NALCN: variants seen among roughly 807,000 people sequenced by gnomAD.
NALCN encodes sodium leak channel, non-selective.
A neutral mutation model predicts 225.3 loss-of-function variants in NALCN; 111 were observed. That is an observed-to-expected ratio of 0.49 (90% CI 0.42 to 0.58). The LOEUF (loss-of-function observed/expected upper bound fraction) is 0.58, where lower values mean the gene tolerates loss of function less well. Among genes scored for constraint, NALCN ranks in the 20% least tolerant of loss-of-function variants. The pLI is 0.00. For missense variants in NALCN, 1,378 were observed against 2,202.4 expected, an observed-to-expected ratio of 0.63 and a Z score of 7.49; for synonymous variants, 764 against 769.0, an observed-to-expected ratio of 0.99 and a Z score of 0.11.
intron 17 of NALCN, among the ~76,000 whole-genome samples, chr13:101,124,937 A>C (rs1486537786): frequency 6.6e-6 from 1 of 152,138 alleles, no homozygotes. Context: ...CGTCTGAATA[A>C]AATTTTCAGT....
intron 18 of NALCN, chr13:101,116,321 T>C (rs1260524493): frequency 5.4e-6 from 1 of 183,664 alleles, no homozygotes; most frequent in Non-Finnish European, 1.1e-5. Flanking sequence ...GCCATATATA[T>C]ATATATATAT....
At chr13:101,183,490 C>A (rs1220197929) in intron 14 of NALCN, among the ~76,000 whole-genome samples, 2 of 152,178 alleles carry the variant, frequency 1.3e-5, no homozygotes, top group African/African-American at 4.8e-5. Context: ...GGCAGAGTCT[C>A]TCTCTGTCCC....
At chr13:101,077,754 A>C (rs2033353736) in intron 34 of NALCN, among the ~76,000 whole-genome samples, 1 of 152,232 alleles carries the variant, frequency 6.6e-6, no homozygotes, top group Admixed American at 6.5e-5. Context: ...CAGTTGCAGA[A>C]ATTTACATAA....
chr13:101,082,792 C>T lies in NALCN; in HGVS notation c.3765+17G>A, dbSNP rs1399879116. 1 of 1,613,716 alleles carries T rather than the reference C, an allele frequency of 6.2e-7. No homozygotes were observed. The highest frequency in any genetic ancestry group is 8.5e-7 in the Non-Finnish European group (1 of 1,179,596). On this transcript the variant is annotated intron_variant, in intron 33 of 43. Coordinates refer to ENST00000251127, the MANE Select transcript of NALCN (RefSeq NM_052867.4). Reference sequence around the variant, plus strand: ...TGTGCACAGATTCCCCCAGAGCTAGCTGACTCATTACAGTACCTCCAGAAC... The same window carrying T: ...TGTGCACAGATTCCCCCAGAGCTAGTTGACTCATTACAGTACCTCCAGAAC...
intron 13 of NALCN, among the ~76,000 whole-genome samples, chr13:101,211,133 A>C (rs746254215): frequency 6.6e-6 from 1 of 152,210 alleles, no homozygotes; most frequent in Non-Finnish European, 1.5e-5. Context: ...ATACTTGAGG[A>C]AGCTCATTAT....
chr13:101,133,716 A>C (rs1307328166), intron 17 of NALCN, among the ~76,000 whole-genome samples: 1 of 152,312 alleles, frequency 6.6e-6, no homozygotes, highest in East Asian at 1.9e-4. Context: ...TGCTTAGAAA[A>C]AAAATTTTAA....
chr13:101,259,732 G>GTATATATATATATA (rs35199456), intron 10 of NALCN, among the ~76,000 whole-genome samples: 4,423 of 118,910 alleles, frequency 0.037, 98 homozygotes, highest in Middle Eastern at 0.057. Context: ...CATAGTAAGT[G>GTATATATATATATA]TATATATATA....
At chr13:101,201,443 G>A (rs772762377) in intron 13 of NALCN, among the ~76,000 whole-genome samples, 10 of 152,230 alleles carry the variant, frequency 6.6e-5, no homozygotes, top group Admixed American at 2.0e-4. Flanking sequence ...CACCCAATAT[G>A]TGGCCAGGGG....
chr13:101,351,491 C>T (rs1180449573), intron 6 of NALCN, among the ~76,000 whole-genome samples: 1 of 152,052 alleles, frequency 6.6e-6, no homozygotes, highest in Non-Finnish European at 1.5e-5. Context: ...TTGATAATGG[C>T]CACAAACAAT....
intron 15 of NALCN, among the ~76,000 whole-genome samples, chr13:101,164,396 A>G (rs567506351): frequency 1.3e-5 from 2 of 152,128 alleles, no homozygotes; most frequent in African/African-American, 4.8e-5. Flanking sequence ...GGCTCAAGTG[A>G]TTCTCCTACC....
chr13:101,185,015 T>C (rs577597420), intron 14 of NALCN, among the ~76,000 whole-genome samples: 1 of 152,276 alleles, frequency 6.6e-6, no homozygotes, highest in South Asian at 2.1e-4. Flanking sequence ...TATTTTGAAA[T>C]ATACACTAGA....
rs572596648 is a variant in NALCN, at chr13:101,324,662, A to G, written c.799+20604T>C. On this transcript the variant is annotated intron_variant, in intron 7 of 43. Coordinates refer to ENST00000251127, the MANE Select transcript of NALCN (RefSeq NM_052867.4). ...CTTTGCTGAAGTTGCCTATCAGCTTAAGGAGATTTTGGGCTGAGACGATGG... is the reference window on the plus strand; with the variant it reads ...CTTTGCTGAAGTTGCCTATCAGCTTGAGGAGATTTTGGGCTGAGACGATGG... 2.6e-3 allele frequency among the ~76,000 whole-genome samples: 397 copies of G among 152,292 alleles called. 2 individuals are homozygous for G. The highest frequency in any genetic ancestry group is 8.6e-3 in the African/African-American group (359 of 41,556).
chr13:101,300,031 A>C (rs2043894901), intron 7 of NALCN, among the ~76,000 whole-genome samples: 1 of 151,966 alleles, frequency 6.6e-6, no homozygotes, highest in Non-Finnish European at 1.5e-5. Context: ...TAAAAAAAAA[A>C]AGCAGCAGCG....
intron 15 of NALCN, among the ~76,000 whole-genome samples, chr13:101,153,847 G>T (rs1338793653): frequency 6.6e-6 from 1 of 152,140 alleles, no homozygotes; most frequent in Non-Finnish European, 1.5e-5. Context: ...GTAATGCAAA[G>T]ACTATCAATT....
chr13:101,199,992 C>T (rs1249017589), intron 13 of NALCN, among the ~76,000 whole-genome samples: 1 of 152,024 alleles, frequency 6.6e-6, no homozygotes, highest in Non-Finnish European at 1.5e-5. Flanking sequence ...TACAGAGCTC[C>T]AGTACTTGAC....
intron 10 of NALCN, among the ~76,000 whole-genome samples, chr13:101,282,289 T>C (rs1464495818): frequency 2.6e-5 from 4 of 152,024 alleles, no homozygotes; most frequent in Non-Finnish European, 2.9e-5. Flanking sequence ...ATAAAAAAAA[T>C]GTGGTATAGA....
chr13:101,090,655 T>C (rs545148926), intron 28 of NALCN, among the ~76,000 whole-genome samples: 1 of 152,270 alleles, frequency 6.6e-6, no homozygotes, highest in African/African-American at 2.4e-5. Context: ...CCTTTATGGG[T>C]GGTATGCTTT....
chr13:101,136,875 C>A (rs1438894292), intron 17 of NALCN, among the ~76,000 whole-genome samples: 1 of 152,218 alleles, frequency 6.6e-6, no homozygotes, highest in Admixed American at 6.5e-5. Flanking sequence ...TGAGGAATAG[C>A]ACGCTGTCTT....
intron 11 of NALCN, among the ~76,000 whole-genome samples, chr13:101,240,245 C>T (rs1346967408): frequency 6.6e-6 from 1 of 151,874 alleles, no homozygotes; most frequent in Non-Finnish European, 1.5e-5. Context: ...GTCTTCATAT[C>T]CAGGAATGCA....
Sources: allele counts gnomAD v4.1 joint callset (sites outside exome capture counted in the v4.1 genomes callset), GRCh38; gene constraint gnomAD v4.1.1; transcripts MANE v1.5; gene names NCBI Gene and HGNC (gene_info 2026-07-23, HGNC 2026-07-21).